L3MBTL4: variants seen among roughly 807,000 people sequenced by gnomAD.
L3MBTL4 encodes the protein lethal(3)malignant brain tumor-like protein 4.
L3MBTL4 carries 70 observed loss-of-function variants against 84.5 expected under a neutral mutation model. The ratio of observed to expected loss-of-function variants is 0.83; its 90% CI spans 0.68 to 1.01. The LOEUF is 1.01. Among genes scored for constraint, L3MBTL4 ranks in the 50% least tolerant of loss-of-function variants. The probability of loss-of-function intolerance (pLI) is 0.00; values close to 1 mark genes in which losing one functional copy is unlikely to be tolerated. For synonymous variants in L3MBTL4, 274 were observed against 259.8 expected (o/e 1.05, Z -0.52); for missense variants, 715 against 754.8 (o/e 0.95, Z 0.62).
intron 13 of L3MBTL4, among the ~76,000 whole-genome samples, chr18:6,141,502 C>G (rs558773284): frequency 1.3e-5 from 2 of 152,232 alleles, no homozygotes; most frequent in East Asian, 3.9e-4. Flanking sequence ...CTGAACCTAT[C>G]GTCTTGTCCC....
intron 1 of L3MBTL4, among the ~76,000 whole-genome samples, chr18:6,412,498 G>T (rs1166236766): frequency 6.6e-6 from 1 of 152,126 alleles, no homozygotes; most frequent in Admixed American, 6.5e-5. Context: ...TGCTTCCTTG[G>T]TCAGACTGGG....
At position 6,222,903 on chromosome 18, in the gene L3MBTL4, A is replaced by C. The variant is rs111753521; in HGVS notation, c.785-7068T>G. 2.1e-3 allele frequency among the ~76,000 whole-genome samples: 311 copies of C among 150,500 alleles called. 2 individuals are homozygous for C. Among genetic ancestry groups the C allele is most frequent in the African/African-American group, 7.0e-3 (288 of 41,298 alleles). ...TTGGCTAAAAAAAAGTTAATGGCTA[A>C]GGTTGCAACTAAAGGAAGGATTTCT... On this transcript the variant is annotated intron_variant, in intron 10 of 18. Transcript: ENST00000317931.
chr18:6,173,666 C>T (rs1321321454), intron 12 of L3MBTL4, among the ~76,000 whole-genome samples: 1 of 151,986 alleles, frequency 6.6e-6, no homozygotes, highest in African/African-American at 2.4e-5. Flanking sequence ...GTGGTCCCAG[C>T]TACTCAGGAG....
intron 10 of L3MBTL4, among the ~76,000 whole-genome samples, chr18:6,229,409 C>G (rs2046905058): frequency 6.6e-6 from 1 of 151,982 alleles, no homozygotes; most frequent in Non-Finnish European, 1.5e-5. Context: ...CAAATTTTTT[C>G]CACTCTGTAG....
At chr18:6,133,391 G>C (rs1202595024) in intron 14 of L3MBTL4, among the ~76,000 whole-genome samples, 1 of 151,536 alleles carries the variant, frequency 6.6e-6, no homozygotes, top group Non-Finnish European at 1.5e-5. Context: ...GCCTGAGGAA[G>C]ATGATCTCCA....
At chr18:5,976,493 C>T (rs2052939653) in intron 16 of L3MBTL4, among the ~76,000 whole-genome samples, 1 of 152,010 alleles carries the variant, frequency 6.6e-6, no homozygotes, top group African/African-American at 2.4e-5. Context: ...ATCCAATTAA[C>T]ATGACTCTTG....
intron 1 of L3MBTL4, chr18:6,397,093 A>T (rs1484622096): frequency 1.3e-5 from 2 of 152,258 alleles, no homozygotes; most frequent in Non-Finnish European, 2.9e-5. Flanking sequence ...AGATGAACTG[A>T]GACACCAAAG....
chr18:6,135,010 A>G (rs35597442), intron 14 of L3MBTL4, among the ~76,000 whole-genome samples: 7,945 of 152,210 alleles, frequency 0.052, 697 homozygotes, highest in African/African-American at 0.18. Flanking sequence ...GCATCCAGGC[A>G]TTTCCATACA....
intron 16 of L3MBTL4, among the ~76,000 whole-genome samples, chr18:6,052,578 C>T (rs1227427230): frequency 6.6e-6 from 1 of 152,216 alleles, no homozygotes; most frequent in Non-Finnish European, 1.5e-5. Flanking sequence ...AGTCTTCAAA[C>T]ATTTAAGCAA....
chr18:5,991,894 C>A (rs928547384), intron 16 of L3MBTL4, among the ~76,000 whole-genome samples: 2 of 151,972 alleles, frequency 1.3e-5, no homozygotes, highest in African/African-American at 4.8e-5. Context: ...GAGGGATTTC[C>A]CACACTTCTC....
intron 1 of L3MBTL4, among the ~76,000 whole-genome samples, chr18:6,318,689 T>G (rs2147028724): frequency 6.6e-6 from 1 of 152,014 alleles, no homozygotes; most frequent in East Asian, 1.9e-4. Flanking sequence ...ACTGGGGGAC[T>G]TCAACACCGC....
At position 6,175,775 on chromosome 18, in the gene L3MBTL4, C is replaced by T. The variant is rs549956554; in HGVS notation, c.982-3833G>A. The stretch of plus-strand genomic sequence containing the variant: ...TTCATCCCCAAAATCAAGAATAAGG[C>T]AAGTTTATTCATTCTTACTGTTTCT... On this transcript the variant is annotated intron_variant, in intron 12 of 18. Coordinates refer to ENST00000317931, the MANE Select transcript of L3MBTL4 (RefSeq NM_001330559.2). 1.2e-4 allele frequency among the ~76,000 whole-genome samples: 18 copies of T among 152,148 alleles called. No individual in the cohort carries two copies. In the East Asian group the frequency reaches 2.9e-3, roughly 24 times the overall value.
At chr18:6,180,133 T>C (rs2044401807) in intron 12 of L3MBTL4, among the ~76,000 whole-genome samples, 1 of 152,096 alleles carries the variant, frequency 6.6e-6, no homozygotes, top group African/African-American at 2.4e-5. Flanking sequence ...ATGAGGGATA[T>C]AGTCCAGAGC....
intron 4 of L3MBTL4, among the ~76,000 whole-genome samples, chr18:6,293,086 T>C (rs2049939661): frequency 6.6e-6 from 1 of 152,210 alleles, no homozygotes; most frequent in Non-Finnish European, 1.5e-5. Flanking sequence ...ACCCCAACTA[T>C]AATTCTTTCT....
chr18:6,221,123 C>T (rs930800490), intron 10 of L3MBTL4, among the ~76,000 whole-genome samples: 1 of 152,036 alleles, frequency 6.6e-6, no homozygotes, highest in Admixed American at 6.6e-5. Flanking sequence ...CTAGGAACAA[C>T]AGCCTAAGCA....
At chr18:6,276,974 A>G (rs749990965) in intron 4 of L3MBTL4, among the ~76,000 whole-genome samples, 15 of 151,986 alleles carry the variant, frequency 9.9e-5, no homozygotes, top group Non-Finnish European at 1.3e-4. Context: ...AAAATAACAA[A>G]ATTTTCAGAT....
intron 17 of L3MBTL4, among the ~76,000 whole-genome samples, chr18:5,961,847 G>C (rs2095265010): frequency 6.6e-6 from 1 of 152,220 alleles, no homozygotes; most frequent in Non-Finnish European, 1.5e-5. Context: ...GCTAGTGAAA[G>C]CTGTGGAATG....
intron 16 of L3MBTL4, among the ~76,000 whole-genome samples, chr18:5,970,726 A>G (rs976717437): frequency 3.9e-5 from 6 of 152,276 alleles, no homozygotes; most frequent in Non-Finnish European, 8.8e-5. Flanking sequence ...AAGGTCTATT[A>G]TGATGGTTTT....
chr18:6,377,618 C>T (rs1176296514), intron 1 of L3MBTL4, among the ~76,000 whole-genome samples: 3 of 152,114 alleles, frequency 2.0e-5, no homozygotes, highest in Non-Finnish European at 4.4e-5. Context: ...TGATGGTTTC[C>T]AGCTTCATCC....
Sources: allele counts gnomAD v4.1 joint callset (sites outside exome capture counted in the v4.1 genomes callset), GRCh38; gene constraint gnomAD v4.1.1; transcripts MANE v1.5; gene names NCBI Gene and HGNC (gene_info 2026-07-23, HGNC 2026-07-21).